Variants in MAGI1 observed in about 807,000 individuals in gnomAD.
MAGI1 encodes membrane associated guanylate kinase, WW and PDZ domain containing 1, also known as membrane-associated guanylate kinase, WW and PDZ domain-containing protein 1.
Under a neutral mutation model 139.9 loss-of-function variants are expected in MAGI1, and 58 were observed. That is an observed-to-expected ratio of 0.41 (90% CI 0.34 to 0.52). MAGI1 has a LOEUF of 0.52. Ranked by LOEUF, MAGI1 falls within the 20% of genes least tolerant of loss-of-function variation. MAGI1 has a pLI of 0.12. For missense variants in MAGI1, 1,874 were observed against 1,901.6 expected (o/e 0.99, Z 0.27); for synonymous variants, 812 against 737.9 (o/e 1.10, Z -1.63).
chr3:65,543,755 T>TGG (rs369092442), intron 2 of MAGI1, among the ~76,000 whole-genome samples: 32 of 147,944 alleles, frequency 2.2e-4, no homozygotes, highest in South Asian at 4.4e-4. Context: ...CTGTCAGGGA[T>TGG]GGGGGGGGGT....
intron 1 of MAGI1, among the ~76,000 whole-genome samples, chr3:65,770,898 G>A (rs1439498208): frequency 2.6e-5 from 4 of 151,742 alleles, no homozygotes; most frequent in Non-Finnish European, 5.9e-5. Flanking sequence ...TTCCCATGTT[G>A]GCCAGGATGG....
chr3:65,693,411 C>T (rs892668954), intron 1 of MAGI1, among the ~76,000 whole-genome samples: 3 of 152,116 alleles, frequency 2.0e-5, no homozygotes, highest in Non-Finnish European at 4.4e-5. Flanking sequence ...TCCACAGTGC[C>T]CCCATACAAC....
At chr3:65,575,270 G>T (rs1333194565) in intron 2 of MAGI1, among the ~76,000 whole-genome samples, 3 of 152,004 alleles carry the variant, frequency 2.0e-5, no homozygotes, top group Admixed American at 6.6e-5. Context: ...CATATGGATG[G>T]CAAATGAGCA....
At chr3:65,589,602 T>A (rs896495022) in intron 2 of MAGI1, among the ~76,000 whole-genome samples, 2 of 152,050 alleles carry the variant, frequency 1.3e-5, no homozygotes, top group African/African-American at 2.4e-5. Context: ...GTTGGGAAAT[T>A]TTTTCTGTCA....
intron 5 of MAGI1, among the ~76,000 whole-genome samples, chr3:65,457,750 G>A (rs1002812124): frequency 7.9e-5 from 12 of 151,810 alleles, no homozygotes; most frequent in Non-Finnish European, 1.3e-4. Context: ...ATCACATCAG[G>A]GTAAATGAAG....
intron 1 of MAGI1, among the ~76,000 whole-genome samples, chr3:65,909,300 G>A: frequency 6.6e-6 from 1 of 152,024 alleles, no homozygotes; most frequent in East Asian, 1.9e-4. Context: ...AGAAGCAGGA[G>A]GATCACTTGA....
At chr3:65,687,939 G>A (rs1381977479) in intron 1 of MAGI1, 1 of 705,070 alleles carries the variant, frequency 1.4e-6, no homozygotes, top group Non-Finnish European at 2.7e-6. Flanking sequence ...CTGGTTCAAG[G>A]AAAATGGCTC....
At chr3:65,461,832 T>C (rs1437826131) in intron 5 of MAGI1, among the ~76,000 whole-genome samples, 2 of 152,198 alleles carry the variant, frequency 1.3e-5, no homozygotes, top group Non-Finnish European at 2.9e-5. Context: ...TGGCATGAGA[T>C]GGTATCTCAT....
At chr3:65,495,892 T>C (rs1952397513) in intron 2 of MAGI1, among the ~76,000 whole-genome samples, 1 of 152,046 alleles carries the variant, frequency 6.6e-6, no homozygotes, top group African/African-American at 2.4e-5. Flanking sequence ...GCCAGCATGG[T>C]TGCGGTACAG....
At chr3:65,819,394 A>G (rs2041805635) in intron 1 of MAGI1, among the ~76,000 whole-genome samples, 1 of 152,160 alleles carries the variant, frequency 6.6e-6, no homozygotes. Flanking sequence ...CACTTGACCT[A>G]AATTTTATGC....
intron 2 of MAGI1, among the ~76,000 whole-genome samples, chr3:65,494,382 C>T (rs907751366): frequency 6.6e-6 from 1 of 152,118 alleles, no homozygotes; most frequent in African/African-American, 2.4e-5. Context: ...TCATCCAGCT[C>T]AGGTGCTGGG....
intron 1 of MAGI1, among the ~76,000 whole-genome samples, chr3:65,954,861 T>C (rs1251762746): frequency 6.6e-6 from 1 of 152,098 alleles, no homozygotes; most frequent in African/African-American, 2.4e-5. Context: ...AAGTGCCAGG[T>C]AAGGGCAGCT....
intron 1 of MAGI1, among the ~76,000 whole-genome samples, chr3:65,891,376 C>T (rs2060739483): frequency 6.6e-6 from 1 of 152,028 alleles, no homozygotes; most frequent in Admixed American, 6.6e-5. Context: ...TGGTAATATG[C>T]CAGGCGCTAC....
intron 1 of MAGI1, among the ~76,000 whole-genome samples, chr3:65,944,295 T>C (rs1475702634): frequency 1.3e-5 from 2 of 152,138 alleles, no homozygotes; most frequent in East Asian, 3.9e-4. Context: ...GCAGGACAGC[T>C]TGAGCCCAGG....
chr3:65,444,295 T>C (rs1452737246), intron 7 of MAGI1, among the ~76,000 whole-genome samples: 3 of 152,078 alleles, frequency 2.0e-5, no homozygotes, highest in Non-Finnish European at 4.4e-5. Flanking sequence ...GCCTAGGAAA[T>C]GCTTTCCCCT....
intron 2 of MAGI1, among the ~76,000 whole-genome samples, chr3:65,555,860 A>C (rs1411472722): frequency 1.3e-5 from 2 of 152,182 alleles, no homozygotes; most frequent in African/African-American, 4.8e-5. Flanking sequence ...CTCAAAACAA[A>C]ACAAACAAAC....
chr3:65,536,939 A>AG (rs1197372787), intron 2 of MAGI1, among the ~76,000 whole-genome samples: 3 of 152,166 alleles, frequency 2.0e-5, no homozygotes, highest in Non-Finnish European at 4.4e-5. Context: ...CCATGCCCGT[A>AG]GGTAGTTTAT....
chr3:65,432,893 C>T (rs1266592916), intron 10 of MAGI1, among the ~76,000 whole-genome samples: 1 of 152,150 alleles, frequency 6.6e-6, no homozygotes, highest in East Asian at 1.9e-4. Flanking sequence ...CGCAGCAAGA[C>T]CTTCCCTAAC....
chr3:65,838,400 C>T (rs555362851), intron 1 of MAGI1, among the ~76,000 whole-genome samples: 43 of 152,322 alleles, frequency 2.8e-4, no homozygotes, highest in African/African-American at 9.6e-4. Flanking sequence ...TGCATACACA[C>T]CTCTCCACAA....
Sources: gnomAD v4.1 joint callset for allele counts (sites outside exome capture counted in the v4.1 genomes callset) on GRCh38, gnomAD v4.1.1 for gene constraint, MANE v1.5 for transcripts, NCBI Gene and HGNC (gene_info 2026-07-23, HGNC 2026-07-21) for gene names.